The following CACNA2D1 variants were observed in gnomAD, a reference collection of about 807,000 sequenced individuals.
The protein encoded by CACNA2D1 is voltage-dependent calcium channel subunit alpha-2/delta-1.
Under a neutral mutation model 171.5 loss-of-function variants are expected in CACNA2D1, and 53 were observed. The observed-to-expected ratio is 0.31, with a 90% CI of 0.25 to 0.39. The LOEUF (loss-of-function observed/expected upper bound fraction) is 0.39. CACNA2D1 is among the 10% of genes least tolerant of loss of function. The pLI is 1.00. For missense variants in CACNA2D1, 903 were observed against 1,299.8 expected (o/e 0.69, Z 4.69); for synonymous variants, 442 against 443.1 (o/e 1.00, Z 0.03).
chr7:82,260,147 A>G (rs1480962596), intron 3 of CACNA2D1, among the ~76,000 whole-genome samples: 1 of 152,134 alleles, frequency 6.6e-6, no homozygotes, highest in Admixed American at 6.5e-5. Flanking sequence ...GTTTGAACCC[A>G]GGAGGCAGAG....
intron 3 of CACNA2D1, 97 bp from the exon 4 acceptor site, chr7:82,170,706 A>T: frequency 9.5e-7 from 1 of 1,057,982 alleles, no homozygotes; most frequent in Non-Finnish European, 1.5e-6. Context: ...TTGAGGACAT[A>T]AAAAGCAGAA....
At chr7:82,373,140 T>C (rs1247752968) in intron 1 of CACNA2D1, among the ~76,000 whole-genome samples, 2 of 152,054 alleles carry the variant, frequency 1.3e-5, no homozygotes, top group Non-Finnish European at 2.9e-5. Flanking sequence ...ACCAAGATCA[T>C]GCTACTGCAC....
chr7:82,312,921 C>T (rs983322655), intron 3 of CACNA2D1, among the ~76,000 whole-genome samples: 2 of 152,134 alleles, frequency 1.3e-5, no homozygotes, highest in Non-Finnish European at 1.5e-5. Context: ...TCTAAAAGTA[C>T]TAATTTACAG....
chr7:82,005,691 T>TAG, intron 17 of CACNA2D1, 74 bp downstream of exon 17: 1 of 1,075,524 alleles, frequency 9.3e-7, no homozygotes, highest in Non-Finnish European at 1.4e-6. Flanking sequence ...TTTTGAGAAT[T>TAG]ACCTAAGTGC....
intron 8 of CACNA2D1, among the ~76,000 whole-genome samples, chr7:82,065,060 C>A (rs1294271386): frequency 6.6e-6 from 1 of 152,108 alleles, no homozygotes; most frequent in Non-Finnish European, 1.5e-5. Context: ...GTTGCCTGGC[C>A]ACCGACTGGA....
At chr7:81,991,137 A>C in intron 21 of CACNA2D1, 48 bp downstream of exon 21, 1 of 913,304 alleles carries the variant, frequency 1.1e-6, no homozygotes, top group Non-Finnish European at 1.8e-6. Context: ...TGCAGACTTA[A>C]TATTAATCCA....
intron 1 of CACNA2D1, among the ~76,000 whole-genome samples, chr7:82,432,916 C>T (rs929243736): frequency 3.3e-5 from 5 of 152,004 alleles, no homozygotes; most frequent in South Asian, 4.2e-4. Flanking sequence ...CTGGGTGTCG[C>T]GGCTCACGCC....
At chr7:82,075,608 C>T (rs1452757259) in intron 7 of CACNA2D1, among the ~76,000 whole-genome samples, 1 of 152,076 alleles carries the variant, frequency 6.6e-6, no homozygotes. Context: ...AATGACATTG[C>T]TAAAAACATA....
At position 82,329,925 on chromosome 7, in the gene CACNA2D1, A is replaced by G. The variant is rs17156131; in HGVS notation, c.294+5210T>C. The stretch of plus-strand genomic sequence containing the variant: ...GCTATCTACACAGTCTTGGATAAGA[A>G]CATTGGTCTTCTGAATTTCCTCATT... On this transcript the variant is annotated intron_variant, in intron 3 of 38. Transcript: ENST00000356860. Among the ~76,000 whole-genome samples the G allele has an allele frequency of 8.7e-3, 1,318 of 152,248 alleles. 28 individuals carry two copies. In the South Asian group the frequency reaches 0.095, roughly 11 times the overall value.
At chr7:82,227,259 C>T (rs11770587) in intron 3 of CACNA2D1, among the ~76,000 whole-genome samples, 2,200 of 152,208 alleles carry the variant, frequency 0.014, 17 homozygotes, top group Middle Eastern at 0.027. Flanking sequence ...AACAAATCTG[C>T]TGAAACTATT....
At chr7:82,003,691 G>T (rs554170818) in intron 18 of CACNA2D1, among the ~76,000 whole-genome samples, 52 of 149,760 alleles carry the variant, frequency 3.5e-4, no homozygotes, top group African/African-American at 1.2e-3. Context: ...TTGGGTAAGG[G>T]TTAAGGTTTA....
At chr7:82,274,455 C>A (rs912186722) in intron 3 of CACNA2D1, among the ~76,000 whole-genome samples, 3 of 152,088 alleles carry the variant, frequency 2.0e-5, no homozygotes, top group African/African-American at 7.2e-5. Flanking sequence ...ATTCATGAAA[C>A]GTTTTCTTAA....
At chr7:82,193,754 T>G (rs1798573987) in intron 3 of CACNA2D1, among the ~76,000 whole-genome samples, 1 of 152,044 alleles carries the variant, frequency 6.6e-6, no homozygotes. Context: ...ACAAATTTGT[T>G]TAACATAGTA....
At chr7:82,362,054 T>C (rs1475681755) in intron 1 of CACNA2D1, among the ~76,000 whole-genome samples, 1 of 152,170 alleles carries the variant, frequency 6.6e-6, no homozygotes, top group Non-Finnish European at 1.5e-5. Context: ...CAGATACAGG[T>C]AGGAAGCATT....
chr7:81,997,134 A>G (rs1258880997), intron 19 of CACNA2D1, 45 bp downstream of exon 19: 1 of 1,066,336 alleles, frequency 9.4e-7, no homozygotes, highest in Admixed American at 1.7e-5. Context: ...AGTGCATACC[A>G]GCATCTGACC....
chr7:82,071,607 T>C (rs1178619639), intron 7 of CACNA2D1, among the ~76,000 whole-genome samples: 1 of 152,112 alleles, frequency 6.6e-6, no homozygotes, highest in African/African-American at 2.4e-5. Flanking sequence ...GAATCATCTA[T>C]GGGGAGGAGC....
At chr7:82,388,806 C>T (rs1259215656) in intron 1 of CACNA2D1, among the ~76,000 whole-genome samples, 1 of 152,034 alleles carries the variant, frequency 6.6e-6, no homozygotes, top group Non-Finnish European at 1.5e-5. Flanking sequence ...AAAAGAAACC[C>T]TGCAATTAAA....
intron 7 of CACNA2D1, among the ~76,000 whole-genome samples, chr7:82,069,312 T>C (rs987818069): frequency 6.6e-6 from 1 of 152,172 alleles, no homozygotes; most frequent in Non-Finnish European, 1.5e-5. Context: ...CCAAAATTCC[T>C]GTAAAAAGTG....
At chr7:82,322,680 A>G (rs1027873151) in intron 3 of CACNA2D1, among the ~76,000 whole-genome samples, 2 of 152,208 alleles carry the variant, frequency 1.3e-5, no homozygotes, top group African/African-American at 2.4e-5. Context: ...AATTAAAGTG[A>G]CAGAGCATTT....
Sources: allele counts gnomAD v4.1 joint callset (sites outside exome capture counted in the v4.1 genomes callset), GRCh38; gene constraint gnomAD v4.1.1; transcripts MANE v1.5; gene names NCBI Gene and HGNC (gene_info 2026-07-23, HGNC 2026-07-21).